Variants in CCT4 observed in about 807,000 individuals in gnomAD.
The protein encoded by CCT4 is chaperonin containing TCP1 subunit 4, also known as T-complex protein 1 subunit delta.
A neutral mutation model predicts 62.5 loss-of-function variants in CCT4; 17 were observed. The ratio of observed to expected loss-of-function variants is 0.27; its 90% CI spans 0.19 to 0.41. The LOEUF is 0.41. Ranked by LOEUF, CCT4 falls within the 10% of genes least tolerant of loss-of-function variation. The probability of loss-of-function intolerance (pLI) is 1.00; values close to 1 mark genes in which losing one functional copy is unlikely to be tolerated. For missense variants in CCT4, 592 were observed against 659.2 expected, an observed-to-expected ratio of 0.90 and a Z score of 1.12; for synonymous variants, 250 against 229.9, an observed-to-expected ratio of 1.09 and a Z score of -0.79.
chr2:61,886,534 T>C (rs1323721340), intron 1 of CCT4, among the ~76,000 whole-genome samples: 1 of 152,152 alleles, frequency 6.6e-6, no homozygotes, highest in Non-Finnish European at 1.5e-5. Context: ...CTCACGCCTG[T>C]AATCCCAGCG....
chr2:61,885,058 T>C lies in CCT4; in HGVS notation c.142A>G (p.Ile48Val), dbSNP rs201252758. Residue 48 changes from isoleucine to valine, a missense_variant, in exon 2 of 14, where the codon ATT becomes GTT. By Grantham distance (29) the Ile-to-Val change is conservative. This residue lies in a region of CCT4 where 67 missense variants were observed against 71.1 expected (regional missense o/e 0.94). Transcript: ENST00000394440. Reference sequence around the variant, plus strand: ...CCTTTTGGTCCAAGGCTTGTTCTAATAGCATCAGCAACCGCTGCAGATGGG... The same window carrying C: ...CCTTTTGGTCCAAGGCTTGTTCTAACAGCATCAGCAACCGCTGCAGATGGG... ...ISAAKAVADA[I>V]RTSLGPKGMD... is the part of the protein sequence containing the mutation. The C allele has an allele frequency of 1.3e-4, 201 of 1,554,022 alleles. No homozygotes were observed. Among genetic ancestry groups the C allele is most frequent in the South Asian group, 3.6e-4 (29 of 80,146 alleles).
intron 10 of CCT4, 48 bp from the exon 11 acceptor site, chr2:61,872,636 C>A (rs1668907732): frequency 6.2e-7 from 1 of 1,605,230 alleles, no homozygotes; most frequent in Admixed American, 1.7e-5. Flanking sequence ...TCAAAAAAAC[C>A]CCACACCCAG....
At chr2:61,869,416 A>C (rs1347356746) in intron 13 of CCT4, 24 bp downstream of exon 13, 1 of 1,382,356 alleles carries the variant, frequency 7.2e-7, no homozygotes, top group South Asian at 1.2e-5. Flanking sequence ...CTCCTAAGAA[A>C]ATTTGCAACC....
rs770742938 is a variant in CCT4, at chr2:61,888,454, G to A, written c.54C>T (p.Gly18=). The change falls in exon 1 of 14, where the codon GGC becomes GGT. Residue 18 remains glycine (G), a synonymous_variant. Coordinates refer to ENST00000394440, the MANE Select transcript of CCT4 (RefSeq NM_006430.4). The stretch of plus-strand genomic sequence containing the variant: ...GGTCCTGATAGGCGCCTTTCCCGCG[G>A]CCGCCGGCAGCCCCGGCAGTCGCCC... ...RSGATAGAAG[G]RGKGAYQDRD... is the part of the protein sequence containing the mutation. The A allele has an allele frequency of 1.4e-5, 22 of 1,611,030 alleles. No individual in the cohort carries two copies. The highest frequency in any genetic ancestry group is 1.8e-5 in the Non-Finnish European group (21 of 1,179,122).
chr2:61,876,993 T>C lies in CCT4; in HGVS notation c.704A>G (p.Asn235Ser), dbSNP rs1435504918. ...CTTTTCAACTCTGGTTATGCCAGAA[T>C]TTGACACTTTTTGGGTGAGAACCAG... is the stretch of plus-strand genomic sequence containing the variant. Reference protein sequence around the residue: ...EGLVLTQKVSNSGITRVEKAK... With the variant: ...EGLVLTQKVSSSGITRVEKAK... Residue 235 changes from asparagine (N) to serine (S), a missense_variant, in exon 7 of 14, where the codon AAT becomes AGT. Transcript: ENST00000394440. The C allele has an allele frequency of 6.2e-7, 1 of 1,613,652 alleles. No individual in the cohort carries two copies. The highest frequency in any genetic ancestry group is 1.7e-5 in the Admixed American group (1 of 59,998).
chr2:61,875,889 G>T (rs1231783165), intron 8 of CCT4, among the ~76,000 whole-genome samples: 1 of 152,044 alleles, frequency 6.6e-6, no homozygotes, highest in African/African-American at 2.4e-5. Flanking sequence ...CTTGGTCTGA[G>T]CAAATGATGG....
At position 61,869,389 on chromosome 2, in the gene CCT4, AT is replaced by A. The variant is rs758156754; in HGVS notation, c.1605+50del. The A allele has an allele frequency of 4.0e-6, 4 of 991,316 alleles. No homozygotes were observed. In the African/African-American group the frequency reaches 6.4e-5, roughly 16 times the overall value. 61.4% of individuals were successfully genotyped at this position (991,316 alleles called of 1,614,324 possible). ...AACAACAACAAAAAACCTTTAAAAAATATATGCCTTTTTGACCTCCTAAGAA... is the reference window on the plus strand; with the variant it reads ...AACAACAACAAAAAACCTTTAAAAAAATATGCCTTTTTGACCTCCTAAGAA... On this transcript the variant is annotated intron_variant, in intron 13 of 13. Coordinates refer to ENST00000394440, the MANE Select transcript of CCT4 (RefSeq NM_006430.4).
chr2:61,870,923 A>G lies in CCT4; in HGVS notation c.1491+1159T>C, dbSNP rs1668870677. Among the ~76,000 whole-genome samples the G allele has an allele frequency of 2.0e-5, 3 of 151,894 alleles. No individual in the cohort carries two copies. The South Asian group carries it at 6.2e-4, about 32-fold the overall frequency. On this transcript the variant is annotated intron_variant, in intron 12 of 13. Coordinates refer to ENST00000394440, the MANE Select transcript of CCT4 (RefSeq NM_006430.4). ...CAGAGCAAGATTCCGTCTCCAAAGA[A>G]AAAACAAACAAACAAACAAACAAAA...
At chr2:61,878,017 G>C (rs539843719) in intron 5 of CCT4, among the ~76,000 whole-genome samples, 1 of 152,306 alleles carries the variant, frequency 6.6e-6, no homozygotes, top group East Asian at 1.9e-4. Flanking sequence ...AAACAGCGTA[G>C]TTAAGTGGTG....
chr2:61,872,060 A>G, intron 12 of CCT4, 22 bp downstream of exon 12: 2 of 1,464,136 alleles, frequency 1.4e-6, no homozygotes, highest in Non-Finnish European at 9.6e-7. Context: ...AATATTTTCT[A>G]CATTAGAGAT....
intron 8 of CCT4, among the ~76,000 whole-genome samples, chr2:61,875,429 A>T (rs13393341): frequency 0.013 from 1,975 of 151,326 alleles, 37 homozygotes; most frequent in African/African-American, 0.045. Context: ...AAATACAAAA[A>T]ATTAGCCAGG....
At chr2:61,875,418 A>G (rs1042550689) in intron 8 of CCT4, among the ~76,000 whole-genome samples, 3 of 150,958 alleles carry the variant, frequency 2.0e-5, no homozygotes, top group African/African-American at 7.3e-5. Context: ...CTCTACTCAA[A>G]AAATACAAAA....
chr2:61,880,181 C>G (rs1253976476), intron 4 of CCT4, 105 bp downstream of exon 4: 2 of 523,142 alleles, frequency 3.8e-6, no homozygotes, highest in East Asian at 6.2e-5. Flanking sequence ...ATTAGTTATT[C>G]CAAATTAAAT....
intron 3 of CCT4, among the ~76,000 whole-genome samples, chr2:61,882,462 C>T (rs1050710537): frequency 1.3e-5 from 2 of 151,764 alleles, no homozygotes; most frequent in Non-Finnish European, 2.9e-5. Context: ...ACACAATAAT[C>T]ATATGAAAGG....
intron 3 of CCT4, among the ~76,000 whole-genome samples, chr2:61,881,778 C>T (rs1669120519): frequency 6.6e-6 from 1 of 151,806 alleles, no homozygotes; most frequent in Non-Finnish European, 1.5e-5. Context: ...GATTAACATG[C>T]TGTGGTATAC....
intron 7 of CCT4, 102 bp downstream of exon 7, chr2:61,876,818 C>T (rs1405524809): frequency 3.1e-6 from 3 of 977,300 alleles, no homozygotes; most frequent in African/African-American, 3.4e-5. Flanking sequence ...CTTTTGAGAT[C>T]TGCTTTAAAT....
intron 2 of CCT4, among the ~76,000 whole-genome samples, chr2:61,884,366 C>T (rs1008454317): frequency 4.6e-5 from 7 of 152,090 alleles, no homozygotes; most frequent in South Asian, 2.1e-4. Flanking sequence ...TGCAGCTGCG[C>T]GATCTCGGCT....
intron 3 of CCT4, among the ~76,000 whole-genome samples, chr2:61,880,951 C>G (rs1180137710): frequency 6.6e-6 from 1 of 152,120 alleles, no homozygotes; most frequent in Non-Finnish European, 1.5e-5. Flanking sequence ...TCTTGAACTC[C>G]TGGGCTCAAA....
chr2:61,872,724 G>A (rs1429182926), intron 10 of CCT4, 136 bp from the exon 11 acceptor site: 10 of 798,740 alleles, frequency 1.3e-5, no homozygotes, highest in Non-Finnish European at 1.8e-5. Context: ...TGAGGAGATC[G>A]AGACCATCCT....
Sources: allele counts gnomAD v4.1 joint callset (sites outside exome capture counted in the v4.1 genomes callset), GRCh38; gene constraint gnomAD v4.1.1; regional missense constraint gnomAD v4.1.1; transcripts MANE v1.5; gene names NCBI Gene and HGNC (gene_info 2026-07-23, HGNC 2026-07-21).